PIEZO2: variants seen among roughly 807,000 people sequenced by gnomAD.
PIEZO2 encodes the protein piezo type mechanosensitive ion channel component 2.
Under a neutral mutation model 337.3 loss-of-function variants are expected in PIEZO2, and 172 were observed. The observed-to-expected ratio is 0.51, with a 90% CI of 0.45 to 0.58. The LOEUF is 0.58. Ranked by LOEUF, PIEZO2 falls within the 20% of genes least tolerant of loss-of-function variation. PIEZO2 has a pLI of 0.00. For synonymous variants in PIEZO2, 1,251 were observed against 1,228.5 expected, an observed-to-expected ratio of 1.02 and a Z score of -0.38; for missense variants, 3,028 against 3,391.3, an observed-to-expected ratio of 0.89 and a Z score of 2.66.
At chr18:11,086,236 C>T (rs1341976234) in intron 1 of PIEZO2, among the ~76,000 whole-genome samples, 1 of 152,088 alleles carries the variant, frequency 6.6e-6, no homozygotes, top group Non-Finnish European at 1.5e-5. Context: ...AATCTCAAAA[C>T]AGGGCCGGGC....
At chr18:10,687,362 T>C (rs2034591900) in intron 49 of PIEZO2, among the ~76,000 whole-genome samples, 1 of 152,130 alleles carries the variant, frequency 6.6e-6, no homozygotes, top group African/African-American at 2.4e-5. Flanking sequence ...ATCATTCAGC[T>C]TGTGTCACCA....
At chr18:10,883,482 T>C (rs1277253842) in intron 4 of PIEZO2, among the ~76,000 whole-genome samples, 1 of 152,178 alleles carries the variant, frequency 6.6e-6, no homozygotes, top group Non-Finnish European at 1.5e-5. Flanking sequence ...ACTATAGATA[T>C]TTATTACGTA....
chr18:11,006,668 C>T (rs1176130515), intron 2 of PIEZO2, among the ~76,000 whole-genome samples: 6 of 152,104 alleles, frequency 3.9e-5, no homozygotes, highest in African/African-American at 1.4e-4. Flanking sequence ...CAAGTCTATT[C>T]AGTCCATTCT....
chr18:10,870,008 T>C lies in PIEZO2; in HGVS notation c.492+1245A>G, dbSNP rs2042100902. ...CTCCTGCCTCAGCTTCCTGAGTAGC[T>C]AGAATTACAGGCAAGCACCATCACG... On this transcript the variant is annotated intron_variant, in intron 5 of 55. Transcript: ENST00000674853. This position sits in a 1 kb window ranked among gnomAD's most constrained non-coding sequence, Gnocchi z 5.3. 6.6e-6 allele frequency among the ~76,000 whole-genome samples: 1 copy of C among 152,150 alleles called. No individual in the cohort carries two copies. The highest frequency in any genetic ancestry group is 2.1e-4 in the South Asian group (1 of 4,828).
At chr18:11,076,185 T>C (rs990423567) in intron 1 of PIEZO2, among the ~76,000 whole-genome samples, 1 of 152,234 alleles carries the variant, frequency 6.6e-6, no homozygotes, top group Non-Finnish European at 1.5e-5. Context: ...AATGCTGCAG[T>C]GTGTCAGCAC....
intron 51 of PIEZO2, among the ~76,000 whole-genome samples, chr18:10,680,697 G>C (rs1210555805): frequency 6.6e-6 from 1 of 152,162 alleles, no homozygotes; most frequent in Admixed American, 6.5e-5. Context: ...TATCACCTAT[G>C]GGGGAACGTC....
At position 10,903,461 on chromosome 18, in the gene PIEZO2, A is replaced by G. The variant is rs2043099403; in HGVS notation, c.329+7725T>C. The stretch of plus-strand genomic sequence containing the variant: ...GGCGGGCGGATCATGAGGTCAAGAG[A>G]TCGAGACCATCCTGGCCAACAACAT... On this transcript the variant is annotated intron_variant, in intron 4 of 55. Transcript: ENST00000674853. The surrounding 1 kb of genome is among the most constrained non-coding windows in gnomAD (Gnocchi z 4.1). Among the ~76,000 whole-genome samples the G allele has an allele frequency of 6.6e-6, 1 of 152,006 alleles. No individual in the cohort carries two copies. The highest frequency in any genetic ancestry group is 1.5e-5 in the Non-Finnish European group (1 of 68,006).
Position 10,794,586 on chromosome 18 carries a change from T to C in PIEZO2, c.1758+186A>G, listed in dbSNP as rs1433099284. Among the ~76,000 whole-genome samples, 1 of 152,176 alleles carries C rather than the reference T, an allele frequency of 6.6e-6. No homozygotes were observed. Among genetic ancestry groups the C allele is most frequent in the Non-Finnish European group, 1.5e-5 (1 of 68,028 alleles). ...AAAAGCTAAATCATGGTGTAATATA[T>C]GTTCATGTTTAAATTATAGAGGCCT... On this transcript the variant is annotated intron_variant, in intron 13 of 55. Transcript: ENST00000674853. The surrounding 1 kb of genome is among the most constrained non-coding windows in gnomAD (Gnocchi z 6.6).
At position 10,736,829 on chromosome 18, in the gene PIEZO2, T is replaced by A. The variant is rs1598416525; in HGVS notation, c.4709-119A>T. ...TCCATAAGAGAACCACAACGAAAGA[T>A]GTTGGCAGAGAGGAAAACACACAAG... On this transcript the variant is annotated intron_variant, in intron 33 of 55. Coordinates refer to ENST00000674853, the MANE Select transcript of PIEZO2 (RefSeq NM_001378183.1). 63 of 1,156,752 alleles carry A rather than the reference T, an allele frequency of 5.4e-5. 1 individual carries two copies. In the South Asian group the frequency reaches 9.7e-4, roughly 18 times the overall value. The allele number at this position is 1,156,752 out of a possible 1,614,324, so 71.7% of individuals were successfully genotyped here. A position where few individuals can be genotyped will look rare whatever the true frequency, so the allele number is the denominator to read the frequency against.
rs1040759277 is a variant in PIEZO2, at chr18:10,813,040, T to C, written c.918-5766A>G. Among the ~76,000 whole-genome samples the C allele has an allele frequency of 6.6e-6, 1 of 151,732 alleles. No homozygotes were observed. Among genetic ancestry groups the C allele is most frequent in the African/African-American group, 2.4e-5 (1 of 41,294 alleles). On this transcript the variant is annotated intron_variant, in intron 7 of 55. Coordinates refer to ENST00000674853, the MANE Select transcript of PIEZO2 (RefSeq NM_001378183.1). This position sits in a 1 kb window ranked among gnomAD's most constrained non-coding sequence, Gnocchi z 4.2. Reference sequence around the variant, plus strand: ...ACTCTGTCACCCGGGCTGGAGTGCATTGGGCCTCTGCTCACTGCAACCTCT... The same window carrying C: ...ACTCTGTCACCCGGGCTGGAGTGCACTGGGCCTCTGCTCACTGCAACCTCT...
chr18:10,877,065 G>A lies in PIEZO2; in HGVS notation c.330-5650C>T, dbSNP rs185575500. On this transcript the variant is annotated intron_variant, in intron 4 of 55. Coordinates refer to ENST00000674853, the MANE Select transcript of PIEZO2 (RefSeq NM_001378183.1). This position sits in a 1 kb window ranked among gnomAD's most constrained non-coding sequence, Gnocchi z 5.3. ...CCATGAAAACTCATGTTGCTGGGAA[G>A]CCCCACTAAGAAATTCTGACTTGTA... Among the ~76,000 whole-genome samples, 81 of 152,248 alleles carry A rather than the reference G, an allele frequency of 5.3e-4. 1 individual carries two copies. Among genetic ancestry groups the A allele is most frequent in the Non-Finnish European group, 5.9e-5 (4 of 68,012 alleles).
At position 10,672,229 on chromosome 18, in the gene PIEZO2, GCTAA is replaced by G. The variant is rs2033812152; in HGVS notation, c.8346-454_8346-451del. The stretch of plus-strand genomic sequence containing the variant: ...CTGGGTGAAAATCATTTCTTATGAG[GCTAA>G]CTTTGAGAAATACAATATTTTACAT... On this transcript the variant is annotated intron_variant, in intron 55 of 55. Transcript: ENST00000674853. This position sits in a 1 kb window ranked among gnomAD's most constrained non-coding sequence, Gnocchi z 4.7. Among the ~76,000 whole-genome samples the G allele has an allele frequency of 6.6e-6, 1 of 152,040 alleles. No homozygotes were observed. The highest frequency in any genetic ancestry group is 2.1e-4 in the South Asian group (1 of 4,824).
intron 2 of PIEZO2, among the ~76,000 whole-genome samples, chr18:11,018,382 CGTGTGTGTGTGTGTGTGTGTGT>C (rs376013388): frequency 1.8e-3 from 205 of 114,200 alleles, no homozygotes; most frequent in African/African-American, 6.4e-3. Context: ...CCCAACATGT[CGTGTGTGTGTGTGTGTGTGTGT>C]GTGTGTGTGT....
At position 10,791,214 on chromosome 18, in the gene PIEZO2, T is replaced by G; in HGVS notation, c.1869A>C (p.Glu623Asp). ...ACACTAATTTACCTTTTTCTTCATT[T>G]TCCTGACTGCCAATTTTGACTTCCG... ...LLSEVKIGSQ[E>D]NEEKDEELQD... Residue 623 changes from glutamate (E) to aspartate (D), a missense_variant, in exon 14 of 56, where the codon GAA becomes GAC. Around this residue, in one of 5 missense-constraint regions of PIEZO2, gnomAD observed 1,925 missense variants for 2,051.9 expected, o/e 0.94. Coordinates refer to ENST00000674853, the MANE Select transcript of PIEZO2 (RefSeq NM_001378183.1). 6.5e-7 allele frequency: 1 copy of G among 1,535,578 alleles called. No homozygotes were observed. Among genetic ancestry groups the G allele is most frequent in the South Asian group, 1.2e-5 (1 of 83,800 alleles).
intron 7 of PIEZO2, among the ~76,000 whole-genome samples, chr18:10,831,095 C>T (rs2040829806): frequency 6.6e-6 from 1 of 152,150 alleles, no homozygotes; most frequent in African/African-American, 2.4e-5. Flanking sequence ...ATTAGCACAA[C>T]CCCTATGGAA....
Position 10,724,871 on chromosome 18 carries a change from C to A in PIEZO2, c.5029+6536G>T, listed in dbSNP as rs1172185284. 27 of 1,608,974 alleles carry A rather than the reference C, an allele frequency of 1.7e-5. No homozygotes were observed. The highest frequency in any genetic ancestry group is 2.2e-5 in the Non-Finnish European group (26 of 1,177,980). On this transcript the variant is annotated intron_variant, in intron 36 of 55. Coordinates refer to ENST00000674853, the MANE Select transcript of PIEZO2 (RefSeq NM_001378183.1). The surrounding 1 kb of genome is among the most constrained non-coding windows in gnomAD (Gnocchi z 5.8). ...ATGCGTCGCAGTGAGAGCACCTACT[C>A]TGTAAATAGTACTGGCCGGCGGGGG...
At position 11,070,904 on chromosome 18, in the gene PIEZO2, C is replaced by T. The variant is rs979854623; in HGVS notation, c.65-4682G>A. 6.6e-6 allele frequency among the ~76,000 whole-genome samples: 1 copy of T among 151,986 alleles called. No homozygotes were observed. The highest frequency in any genetic ancestry group is 2.1e-4 in the South Asian group (1 of 4,816). On this transcript the variant is annotated intron_variant, in intron 1 of 55. Transcript: ENST00000674853. This position sits in a 1 kb window ranked among gnomAD's most constrained non-coding sequence, Gnocchi z 4.3. Reference sequence around the variant, plus strand: ...AGGATGCGAGTGGCGGGTACCCAGACAGGAAGACCAGATCAAGAAGCACTA... The same window carrying T: ...AGGATGCGAGTGGCGGGTACCCAGATAGGAAGACCAGATCAAGAAGCACTA...
chr18:10,904,397 G>T (rs2043124131), intron 4 of PIEZO2, among the ~76,000 whole-genome samples: 1 of 152,230 alleles, frequency 6.6e-6, no homozygotes, highest in African/African-American at 2.4e-5. Context: ...TTACTCATTT[G>T]TAAGATGGAA....
At chr18:10,848,699 T>C (rs558320974) in intron 7 of PIEZO2, among the ~76,000 whole-genome samples, 2 of 152,264 alleles carry the variant, frequency 1.3e-5, no homozygotes, top group South Asian at 2.1e-4. Flanking sequence ...CTAGAGAAAG[T>C]TCATGAGTTG....
Sources: gnomAD v4.1 joint callset for allele counts (sites outside exome capture counted in the v4.1 genomes callset) on GRCh38, gnomAD v4.1.1 for gene constraint, gnomAD v4.1.1 regional missense constraint, Gnocchi (gnomAD v3.1) non-coding constraint, MANE v1.5 for transcripts, NCBI Gene and HGNC (gene_info 2026-07-23, HGNC 2026-07-21) for gene names.